RAP1A: variants seen among roughly 807,000 people sequenced by gnomAD.
RAP1A encodes ras-related protein Rap-1A.
RAP1A carries 6 observed loss-of-function variants against 26.4 expected under a neutral mutation model. The ratio of observed to expected loss-of-function variants is 0.23; its 90% confidence interval spans 0.12 to 0.45. The LOEUF (loss-of-function observed/expected upper bound fraction) is 0.45, where lower values mean the gene tolerates loss of function less well. RAP1A is among the 20% of genes least tolerant of loss of function. The probability of loss-of-function intolerance (pLI) is 0.99; values close to 1 mark genes in which losing one functional copy is unlikely to be tolerated. For missense variants in RAP1A, 121 were observed against 217.2 expected (o/e 0.56, Z 2.78); for synonymous variants, 73 against 79.4 (o/e 0.92, Z 0.43).
intron 1 of RAP1A, among the ~76,000 whole-genome samples, chr1:111,595,551 C>G (rs1272393523): frequency 6.6e-6 from 1 of 152,118 alleles, no homozygotes; most frequent in Admixed American, 6.5e-5. Flanking sequence ...AGCTGAGGAT[C>G]TTTTTTGTTT....
At chr1:111,630,129 A>G (rs1262320307) in intron 1 of RAP1A, among the ~76,000 whole-genome samples, 1 of 152,240 alleles carries the variant, frequency 6.6e-6, no homozygotes, top group Non-Finnish European at 1.5e-5. Context: ...TAGTTCATTT[A>G]ATTTTTACAT....
At chr1:111,563,909 C>A (rs1657845905) in intron 1 of RAP1A, 2 of 1,613,838 alleles carry the variant, frequency 1.2e-6, no homozygotes, top group African/African-American at 1.3e-5. Flanking sequence ...GCTTTCCCAC[C>A]TGGCCTCCTT....
At position 111,628,586 on chromosome 1, in the gene RAP1A, G is replaced by A. The variant is rs553792517; in HGVS notation, c.-28+8652G>A. ...CATTCATCGAAAAGCAGATGAATTC[G>A]CTTGTAGAGTAAAGAATGAATTGAG... On this transcript the variant is annotated intron_variant, in intron 1 of 7. Transcript: ENST00000369709. 2.6e-5 allele frequency among the ~76,000 whole-genome samples: 4 copies of A among 152,282 alleles called. No individual in the cohort carries two copies. In the South Asian group the frequency reaches 8.3e-4, roughly 32 times the overall value.
intron 1 of RAP1A, among the ~76,000 whole-genome samples, chr1:111,657,628 T>G (rs1433834305): frequency 6.6e-6 from 1 of 152,182 alleles, no homozygotes; most frequent in Non-Finnish European, 1.5e-5. Context: ...TTGAGTTAAT[T>G]TTTGTATATG....
At chr1:111,644,102 C>T (rs1659977960) in intron 1 of RAP1A, among the ~76,000 whole-genome samples, 2 of 152,202 alleles carry the variant, frequency 1.3e-5, no homozygotes, top group Non-Finnish European at 2.9e-5. Context: ...ATAATACCTT[C>T]ATGGCAACAC....
intron 1 of RAP1A, among the ~76,000 whole-genome samples, chr1:111,606,217 A>G (rs1462328226): frequency 6.6e-6 from 1 of 152,188 alleles, no homozygotes; most frequent in Non-Finnish European, 1.5e-5. Context: ...TTTAACTTTT[A>G]TAGTCCTGGA....
chr1:111,565,077 G>A (rs1657887664), intron 1 of RAP1A, among the ~76,000 whole-genome samples: 1 of 152,190 alleles, frequency 6.6e-6, no homozygotes, highest in Non-Finnish European at 1.5e-5. Context: ...AAGGGAAGAA[G>A]CGAAGCCAAT....
intron 1 of RAP1A, among the ~76,000 whole-genome samples, chr1:111,645,569 T>C (rs1395277863): frequency 6.6e-6 from 1 of 152,182 alleles, no homozygotes; most frequent in Non-Finnish European, 1.5e-5. Flanking sequence ...CAGGAATACA[T>C]GGAATAGAGG....
intron 1 of RAP1A, among the ~76,000 whole-genome samples, chr1:111,570,777 G>A (rs1011016078): frequency 1.3e-5 from 2 of 152,070 alleles, no homozygotes; most frequent in African/African-American, 4.8e-5. Flanking sequence ...AATCACTCCC[G>A]CAGGAACTAA....
chr1:111,687,594 A>G (rs1294310671), intron 1 of RAP1A, among the ~76,000 whole-genome samples: 2 of 152,176 alleles, frequency 1.3e-5, no homozygotes, highest in Admixed American at 6.5e-5. Flanking sequence ...TTCAAAACAT[A>G]CTATATTACT....
chr1:111,546,693 CA>C (rs1657046385), intron 1 of RAP1A, among the ~76,000 whole-genome samples: 1 of 152,116 alleles, frequency 6.6e-6, no homozygotes, highest in Admixed American at 6.5e-5. Flanking sequence ...TGGTTGCTTC[CA>C]CCTTCCAGCC....
chr1:111,671,530 G>A (rs1986816), intron 1 of RAP1A, among the ~76,000 whole-genome samples: 129,270 of 152,014 alleles, frequency 0.85, 55,065 homozygotes, highest in East Asian at 1. Flanking sequence ...GTTGTCGTGC[G>A]GTGGCGTGAT....
intron 6 of RAP1A, among the ~76,000 whole-genome samples, chr1:111,707,992 T>C (rs1662248854): frequency 6.6e-6 from 1 of 152,110 alleles, no homozygotes; most frequent in South Asian, 2.1e-4. Flanking sequence ...CTGGACAACA[T>C]TGCAAAACCC....
intron 1 of RAP1A, among the ~76,000 whole-genome samples, chr1:111,565,713 C>T (rs2101052291): frequency 6.6e-6 from 1 of 152,290 alleles, no homozygotes; most frequent in Non-Finnish European, 1.5e-5. Flanking sequence ...AGGACTACTT[C>T]TACTTTTGTC....
At chr1:111,620,182 G>A (rs1273948077) in intron 1 of RAP1A, among the ~76,000 whole-genome samples, 1 of 152,174 alleles carries the variant, frequency 6.6e-6, no homozygotes, top group African/African-American at 2.4e-5. Context: ...TCGACTGTAG[G>A]CCTGCGGGAG....
At chr1:111,575,428 C>G (rs1315670250) in intron 1 of RAP1A, among the ~76,000 whole-genome samples, 1 of 152,208 alleles carries the variant, frequency 6.6e-6, no homozygotes, top group Non-Finnish European at 1.5e-5. Flanking sequence ...GCTGGGGTTA[C>G]AGGTGTGGGC....
intron 1 of RAP1A, among the ~76,000 whole-genome samples, chr1:111,650,860 A>ATCACTGCAACGGC (rs1553219731): frequency 2.0e-5 from 3 of 151,814 alleles, no homozygotes; most frequent in Non-Finnish European, 2.9e-5. Context: ...CAGTGGCGCG[A>ATCACTGCAACGGC]TCACTGCAAC....
intron 1 of RAP1A, among the ~76,000 whole-genome samples, chr1:111,664,585 C>G (rs185696625): frequency 6.6e-6 from 1 of 152,102 alleles, no homozygotes; most frequent in Non-Finnish European, 1.5e-5. Flanking sequence ...CCCCCTTCCT[C>G]TCCCTGGGCT....
At chr1:111,686,066 T>C (rs912877502) in intron 1 of RAP1A, among the ~76,000 whole-genome samples, 1 of 149,950 alleles carries the variant, frequency 6.7e-6, no homozygotes, top group Non-Finnish European at 1.5e-5. Flanking sequence ...TAAGTGGGAG[T>C]TGAATAGTGA....
Sources: gnomAD v4.1 joint callset for allele counts (sites outside exome capture counted in the v4.1 genomes callset) on GRCh38, gnomAD v4.1.1 for gene constraint, MANE v1.5 for transcripts, NCBI Gene and HGNC (gene_info 2026-07-23, HGNC 2026-07-21) for gene names.